CHD1: variants seen among roughly 807,000 people sequenced by gnomAD.
The protein encoded by CHD1 is chromodomain helicase DNA binding protein 1.
Under a neutral mutation model 224.2 loss-of-function variants are expected in CHD1, and 36 were observed. That is an observed-to-expected ratio of 0.16 (90% CI 0.12 to 0.21). The LOEUF (loss-of-function observed/expected upper bound fraction) is 0.21, where lower values mean the gene tolerates loss of function less well. CHD1 is among the 10% of genes least tolerant of loss of function. The pLI, the probability that CHD1 is intolerant of heterozygous loss-of-function variation, is 1.00. For missense variants in CHD1, 1,378 were observed against 1,994.8 expected (o/e 0.69, Z 5.89); for synonymous variants, 668 against 658.3 (o/e 1.01, Z -0.23).
chr5:98,909,935 T>G (rs1752281986), intron 2 of CHD1, among the ~76,000 whole-genome samples: 1 of 152,154 alleles, frequency 6.6e-6, no homozygotes. Context: ...CCTGCCTATC[T>G]TTCTAGTATG....
At chr5:98,902,765 A>G (rs1435440358) in intron 5 of CHD1, 135 bp downstream of exon 5, 7 of 572,776 alleles carry the variant, frequency 1.2e-5, no homozygotes, top group East Asian at 2.9e-5. Flanking sequence ...GTAATGGTGT[A>G]AATTAACTTC....
rs1749536766 is a variant in CHD1 at position 98,873,731 on chromosome 5, A to C, written c.3441-8T>G. 6.3e-7 allele frequency: 1 copy of C among 1,593,450 alleles called. No individual in the cohort carries two copies. The highest frequency in any genetic ancestry group is 8.5e-7 in the Non-Finnish European group (1 of 1,173,484). ...CGAGCAATTGCATCTAATCTGTAACAAAATAATCCAATTTTCAGGTAAATA... is the reference window on the plus strand; with the variant it reads ...CGAGCAATTGCATCTAATCTGTAACCAAATAATCCAATTTTCAGGTAAATA... On this transcript the variant is annotated splice_region_variant and splice_polypyrimidine_tract_variant and intron_variant, in intron 25 of 35. Coordinates refer to ENST00000614616, the MANE Select transcript of CHD1 (RefSeq NM_001270.4).
rs1181669963 is a variant in CHD1 at position 98,893,615 on chromosome 5, A to C, written c.1801-9T>G. 4.6e-6 allele frequency: 7 copies of C among 1,534,030 alleles called. No individual in the cohort carries two copies. Among genetic ancestry groups the C allele is most frequent in the Non-Finnish European group, 5.3e-6 (6 of 1,138,654 alleles). On this transcript the variant is annotated splice_polypyrimidine_tract_variant and intron_variant, in intron 13 of 35. Transcript: ENST00000614616. The stretch of plus-strand genomic sequence containing the variant: ...AGACCTCCAAGGAATGCCTTAAAAT[A>C]ATAGAAAAACAGTATTTTGAGAGAA...
At position 98,856,560 on chromosome 5, in the gene CHD1, G is replaced by A; in HGVS notation, c.4953C>T (p.His1651=). Residue 1651 remains histidine, a synonymous_variant, in exon 36 of 36, where the codon CAC becomes CAT. Transcript: ENST00000614616. ...SDHRSSSEYT[H]HKSSRDYRYH... is the part of the protein sequence containing the mutation. ...ACCTATAATCCCTGGAAGATTTATG[G>A]TGCGTATATTCAGAACTTGACCGGT... 1 of 1,613,782 alleles carries A rather than the reference G, an allele frequency of 6.2e-7. No individual in the cohort carries two copies. Among genetic ancestry groups the A allele is most frequent in the South Asian group, 1.1e-5 (1 of 91,070 alleles).
chr5:98,920,699 T>C (rs780160751), intron 2 of CHD1, among the ~76,000 whole-genome samples: 1 of 150,190 alleles, frequency 6.7e-6, no homozygotes, highest in Non-Finnish European at 1.5e-5. Context: ...CGGGAGGCTG[T>C]GGCAGGAGAA....
At chr5:98,911,145 AAATAT>A (rs1410282469) in intron 2 of CHD1, among the ~76,000 whole-genome samples, 32 of 95,410 alleles carry the variant, frequency 3.4e-4, no homozygotes, top group Middle Eastern at 5.8e-3. Context: ...AAAAAAAAAA[AAATAT>A]ATATATATAT....
In CHD1 at chr5:98,858,321, T is replaced by G. The variant is rs201110676; in HGVS notation, c.4646A>C (p.His1549Pro). 9 of 1,613,258 alleles carry G rather than the reference T, an allele frequency of 5.6e-6. No homozygotes were observed. Among genetic ancestry groups the G allele is most frequent in the African/African-American group, 1.3e-5 (1 of 75,012 alleles). The change falls in exon 35 of 36, where the codon CAC becomes CCC. Residue 1549 changes from histidine to proline, a missense_variant. By Grantham distance (77) the His-to-Pro change is moderately conservative. Transcript: ENST00000614616. ...ATGATGATCATGGTACTGAGTTAAGTGTCTATCAGAGGAATAACTGTCCCT... is the reference window on the plus strand; with the variant it reads ...ATGATGATCATGGTACTGAGTTAAGGGTCTATCAGAGGAATAACTGTCCCT... ...SSRDSYSSDR[H>P]LTQYHDHHKD... is the part of the protein sequence containing the mutation.
chr5:98,876,647 T>G lies in CHD1; in HGVS notation c.3238-89A>C, dbSNP rs551610501. On this transcript the variant is annotated intron_variant, in intron 23 of 35. Coordinates refer to ENST00000614616, the MANE Select transcript of CHD1 (RefSeq NM_001270.4). ...CCATTATAAAAGATGGTCGGAATCT[T>G]AAAAATGTTATTAAATGTATCAAAA... The G allele has an allele frequency of 2.6e-6, 3 of 1,139,070 alleles. No homozygotes were observed. The East Asian group carries it at 7.2e-5, about 27-fold the overall frequency. 70.6% of individuals were successfully genotyped at this position (1,139,070 alleles called of 1,614,324 possible).
At chr5:98,860,397 T>C in intron 32 of CHD1, 1 of 321,896 alleles carries the variant, frequency 3.1e-6, no homozygotes, top group Admixed American at 4.8e-5. Flanking sequence ...ATTGTGATCC[T>C]GATTATGCAT....
chr5:98,902,137 A>G (rs995528407), intron 5 of CHD1, among the ~76,000 whole-genome samples: 1 of 152,102 alleles, frequency 6.6e-6, no homozygotes, highest in Non-Finnish European at 1.5e-5. Context: ...GTATTTTTAT[A>G]ATGGAAAAAA....
intron 31 of CHD1, among the ~76,000 whole-genome samples, chr5:98,867,041 ATACT>A (rs937870069): frequency 3.3e-5 from 5 of 152,180 alleles, no homozygotes; most frequent in Non-Finnish European, 5.9e-5. Flanking sequence ...TTTAATCTTC[ATACT>A]TACTTACCAA....
chr5:98,920,870 T>C (rs977370986), intron 2 of CHD1, among the ~76,000 whole-genome samples: 6 of 150,850 alleles, frequency 4.0e-5, no homozygotes, highest in African/African-American at 1.5e-4. Context: ...TTTCTCAAGA[T>C]GGTTTAGACC....
Position 98,868,633 on chromosome 5 carries a change from C to G in CHD1, c.4110G>C (p.Leu1370Phe), listed in dbSNP as rs943510592. Reference sequence around the variant, plus strand: ...CCCTACCATCAGACTTGGATTCACTCAACTAAAGAAAAAGTGAAAAGAAAA... The same window carrying G: ...CCCTACCATCAGACTTGGATTCACTGAACTAAAGAAAAAGTGAAAAGAAAA... ...SEKSDEDDDK[L>F]SESKSDGRER... The change falls in exon 31 of 36, where the codon TTG (leucine) becomes TTC (phenylalanine). Residue 1370 changes from leucine to phenylalanine, a missense_variant and splice_region_variant. By Grantham distance (22) the Leu-to-Phe change is conservative. Coordinates refer to ENST00000614616, the MANE Select transcript of CHD1 (RefSeq NM_001270.4). The G allele has an allele frequency of 1.3e-6, 2 of 1,553,946 alleles. No individual in the cohort carries two copies. Among genetic ancestry groups the G allele is most frequent in the Non-Finnish European group, 1.7e-6 (2 of 1,153,068 alleles).
intron 28 of CHD1, among the ~76,000 whole-genome samples, chr5:98,871,008 A>C (rs769314419): frequency 1.3e-5 from 2 of 152,262 alleles, no homozygotes; most frequent in Non-Finnish European, 2.9e-5. Context: ...AATGAATTCT[A>C]AACTTCAAAA....
Position 98,863,496 on chromosome 5 carries a change from T to C in CHD1, c.4339A>G (p.Thr1447Ala). ...CCAATTTTTATTAAACATTGTCTAG[T>C]ATGCTCTAGTTGTTCTCTTTCTGAA... The part of the protein sequence containing the change: ...GLSEREQLEH[T>A]RQCLIKIGDH... Residue 1447 changes from threonine (T) to alanine (A), a missense_variant, in exon 32 of 36, where the codon ACT becomes GCT. Around this residue, in one of 16 missense-constraint regions of CHD1, gnomAD observed 23 missense variants for 65.8 expected, o/e 0.35. Coordinates refer to ENST00000614616, the MANE Select transcript of CHD1 (RefSeq NM_001270.4). 4.3e-6 allele frequency: 7 copies of C among 1,609,702 alleles called. No homozygotes were observed. The highest frequency in any genetic ancestry group is 5.9e-6 in the Non-Finnish European group (7 of 1,177,430).
intron 2 of CHD1, among the ~76,000 whole-genome samples, chr5:98,920,321 A>C (rs1410165949): frequency 6.6e-6 from 1 of 152,200 alleles, no homozygotes; most frequent in Admixed American, 6.5e-5. Flanking sequence ...AGAATATATT[A>C]TGGAAAGGGA....
In CHD1 at chr5:98,882,279, T is replaced by C. The variant is rs147376649; in HGVS notation, c.2719-156A>G. 2.5e-3 allele frequency among the ~76,000 whole-genome samples: 387 copies of C among 152,318 alleles called. 2 individuals are homozygous for C. Among genetic ancestry groups the C allele is most frequent in the African/African-American group, 8.7e-3 (363 of 41,576 alleles). On this transcript the variant is annotated intron_variant, in intron 19 of 35. Coordinates refer to ENST00000614616, the MANE Select transcript of CHD1 (RefSeq NM_001270.4). ...AAAATTTAAAAAACATGTTTAAAGC[T>C]AGAGTTCCTCAACTTAAGGGACTAT...
At position 98,904,908 on chromosome 5, in the gene CHD1, C is replaced by G; in HGVS notation, c.244G>C (p.Asp82His). Residue 82 changes from aspartate to histidine, a missense_variant, in exon 3 of 36, where the codon GAT (aspartate) becomes CAT (histidine). Asp to His is a moderately conservative substitution (Grantham distance 81). This residue lies in a region of CHD1 where 306 missense variants were observed against 298.1 expected (regional missense o/e 1.03). Transcript: ENST00000614616. Reference sequence around the variant, plus strand: ...ATTTTATTGATTACCTCAGCTCCATCAACTTTCGGTGGTTTTGCTTGAACT... The same window carrying G: ...ATTTTATTGATTACCTCAGCTCCATGAACTTTCGGTGGTTTTGCTTGAACT... ...NKVQAKPPKV[D>H]GAEFWKSSPS... 1 of 1,614,036 alleles carries G rather than the reference C, an allele frequency of 6.2e-7. No individual in the cohort carries two copies. The highest frequency in any genetic ancestry group is 1.1e-5 in the South Asian group (1 of 91,078).
chr5:98,862,480 T>C (rs1379600094), intron 32 of CHD1, among the ~76,000 whole-genome samples: 2 of 152,232 alleles, frequency 1.3e-5, no homozygotes, highest in Non-Finnish European at 2.9e-5. Flanking sequence ...TTCCCCACCC[T>C]TTCCTTATAA....
Sources: allele counts gnomAD v4.1 joint callset (sites outside exome capture counted in the v4.1 genomes callset), GRCh38; gene constraint gnomAD v4.1.1; regional missense constraint gnomAD v4.1.1; transcripts MANE v1.5; gene names NCBI Gene and HGNC (gene_info 2026-07-23, HGNC 2026-07-21).